MYO5B: variants seen among roughly 807,000 people sequenced by gnomAD.
MYO5B encodes the protein unconventional myosin-Vb.
MYO5B carries 143 observed loss-of-function variants against 229.3 expected under a neutral mutation model. The observed-to-expected ratio is 0.62, with a 90% CI of 0.54 to 0.72. The LOEUF is 0.72. MYO5B is among the 30% of genes least tolerant of loss of function. The probability of loss-of-function intolerance (pLI) is 0.00; values close to 1 mark genes in which losing one functional copy is unlikely to be tolerated. For missense variants in MYO5B, 2,321 were observed against 2,331.0 expected (o/e 1.00, Z 0.09); for synonymous variants, 918 against 885.2 (o/e 1.04, Z -0.66).
chr18:50,180,910 T>C (rs1412984382), intron 1 of MYO5B, among the ~76,000 whole-genome samples: 1 of 152,220 alleles, frequency 6.6e-6, no homozygotes, highest in African/African-American at 2.4e-5. Flanking sequence ...ATTCATCCAT[T>C]CATCATTCCT....
intron 1 of MYO5B, among the ~76,000 whole-genome samples, chr18:50,132,849 C>G (rs778749150): frequency 2.0e-5 from 3 of 152,202 alleles, no homozygotes; most frequent in Non-Finnish European, 4.4e-5. Flanking sequence ...CTTTTAATCC[C>G]TTAAATCATT....
At chr18:50,184,902 ATAT>A (rs748931946) in intron 1 of MYO5B, among the ~76,000 whole-genome samples, 55 of 133,630 alleles carry the variant, frequency 4.1e-4, no homozygotes, top group African/African-American at 1.5e-3. Context: ...ACAGAAAAAA[ATAT>A]ATATATATAT....
chr18:50,086,819 G>T (rs1368969072), intron 1 of MYO5B, among the ~76,000 whole-genome samples: 1 of 152,120 alleles, frequency 6.6e-6, no homozygotes, highest in Non-Finnish European at 1.5e-5. Context: ...GAGGAGATGA[G>T]CAGGCCACAG....
At chr18:50,173,873 G>A (rs934024288) in intron 1 of MYO5B, among the ~76,000 whole-genome samples, 2 of 152,166 alleles carry the variant, frequency 1.3e-5, no homozygotes, top group African/African-American at 4.8e-5. Flanking sequence ...CAGCATGATG[G>A]CAAATGTTGT....
At chr18:50,074,400 T>A (rs1471917726) in intron 1 of MYO5B, among the ~76,000 whole-genome samples, 1 of 152,162 alleles carries the variant, frequency 6.6e-6, no homozygotes, top group East Asian at 1.9e-4. Context: ...GAGCATCATT[T>A]TGAAAGGGCC....
At chr18:49,958,304 A>G (rs1440368128) in intron 12 of MYO5B, among the ~76,000 whole-genome samples, 1 of 152,204 alleles carries the variant, frequency 6.6e-6, no homozygotes, top group South Asian at 2.1e-4. Flanking sequence ...CTAAACCCCA[A>G]TTTATGGTCT....
chr18:50,086,078 T>A (rs189162198), intron 1 of MYO5B, among the ~76,000 whole-genome samples: 200 of 151,942 alleles, frequency 1.3e-3, no homozygotes, highest in Non-Finnish European at 2.1e-3. Flanking sequence ...TAATAAAATT[T>A]AAAAAAAAGA....
chr18:49,857,022 AT>A (rs1278941603), intron 29 of MYO5B, 132 bp from the exon 30 acceptor site: 5 of 750,038 alleles, frequency 6.7e-6, no homozygotes, highest in African/African-American at 3.5e-5. Flanking sequence ...AAGAACTCCC[AT>A]TTTCCCTTCC....
intron 9 of MYO5B, among the ~76,000 whole-genome samples, chr18:49,976,223 G>A (rs2144285668): frequency 6.6e-6 from 1 of 152,306 alleles, no homozygotes; most frequent in East Asian, 1.9e-4. Flanking sequence ...AGGCTGACTT[G>A]TAGGATTTAA....
At chr18:50,124,211 G>A (rs920691037) in intron 1 of MYO5B, among the ~76,000 whole-genome samples, 1 of 152,230 alleles carries the variant, frequency 6.6e-6, no homozygotes, top group Non-Finnish European at 1.5e-5. Context: ...GGTCTTGACA[G>A]TGCAGAGAGG....
intron 1 of MYO5B, among the ~76,000 whole-genome samples, chr18:50,079,488 C>T (rs1414548206): frequency 6.6e-6 from 1 of 152,226 alleles, no homozygotes; most frequent in Non-Finnish European, 1.5e-5. Flanking sequence ...AGACAGAGTG[C>T]TCCAAAATAA....
Position 49,826,397 on chromosome 18 carries a change from T to C in MYO5B, c.*74A>G. 1 of 1,558,588 alleles carries C rather than the reference T, an allele frequency of 6.4e-7. No individual in the cohort carries two copies. Among genetic ancestry groups the C allele is most frequent in the South Asian group, 1.1e-5 (1 of 87,586 alleles). On this transcript the variant is annotated 3_prime_UTR_variant, in exon 40 of 40. Transcript: ENST00000285039. ...TACTTTTACCAGATTTAACAGATCCTTGAATTTACTTTACTGTATATACTT... is the reference window on the plus strand; with the variant it reads ...TACTTTTACCAGATTTAACAGATCCCTGAATTTACTTTACTGTATATACTT...
chr18:49,851,451 G>C (rs1260873417), intron 31 of MYO5B, among the ~76,000 whole-genome samples: 1 of 152,192 alleles, frequency 6.6e-6, no homozygotes, highest in Non-Finnish European at 1.5e-5. Context: ...TTTAAAGCTT[G>C]AAATCAACAA....
At chr18:50,111,455 T>C (rs2031862954) in intron 1 of MYO5B, among the ~76,000 whole-genome samples, 1 of 152,214 alleles carries the variant, frequency 6.6e-6, no homozygotes, top group Non-Finnish European at 1.5e-5. Context: ...CAGATCCTTC[T>C]GGTTCTCATT....
intron 18 of MYO5B, among the ~76,000 whole-genome samples, chr18:49,908,546 C>T (rs1568026832): frequency 2.0e-5 from 3 of 152,198 alleles, no homozygotes; most frequent in African/African-American, 7.2e-5. Flanking sequence ...GGCCCCAAGT[C>T]TCCAACTGCA....
chr18:49,872,197 C>G lies in MYO5B; in HGVS notation c.3573G>C (p.Pro1191=). 3 of 1,614,088 alleles carry G rather than the reference C, an allele frequency of 1.9e-6. No individual in the cohort carries two copies. Among genetic ancestry groups the G allele is most frequent in the Non-Finnish European group, 2.5e-6 (3 of 1,179,984 alleles). ...GACTATTGTAGGCCAGATCTGCATT[C>G]GGGTCCAAATCTATGTCAGTCTGTG... ...EPPQTDIDLD[P]NADLAYNSLK... The change falls in exon 27 of 40, where the codon CCG becomes CCC. Residue 1191 remains proline (P), a synonymous_variant. Coordinates refer to ENST00000285039, the MANE Select transcript of MYO5B (RefSeq NM_001080467.3).
At chr18:50,151,071 A>T (rs1375277507) in intron 1 of MYO5B, among the ~76,000 whole-genome samples, 1 of 152,180 alleles carries the variant, frequency 6.6e-6, no homozygotes, top group Non-Finnish European at 1.5e-5. Flanking sequence ...CCTAGCTGGG[A>T]TGCTGTCTCT....
intron 4 of MYO5B, among the ~76,000 whole-genome samples, chr18:50,025,941 T>G (rs544789705): frequency 6.6e-6 from 1 of 152,240 alleles, no homozygotes; most frequent in Non-Finnish European, 1.5e-5. Flanking sequence ...GTTTATAAAT[T>G]GTTTTCTGTG....
intron 1 of MYO5B, among the ~76,000 whole-genome samples, chr18:50,080,857 G>A (rs55745356): frequency 1.3e-5 from 2 of 152,116 alleles, no homozygotes; most frequent in Non-Finnish European, 2.9e-5. Flanking sequence ...ATGCAGCAGG[G>A]AAGAAGGCAT....
Sources: allele counts gnomAD v4.1 joint callset (sites outside exome capture counted in the v4.1 genomes callset), GRCh38; gene constraint gnomAD v4.1.1; transcripts MANE v1.5; gene names NCBI Gene and HGNC (gene_info 2026-07-23, HGNC 2026-07-21).